Variants in THSD4 observed in about 807,000 individuals in gnomAD.
THSD4 encodes the protein thrombospondin type-1 domain-containing protein 4.
In THSD4, 69 loss-of-function variants were observed where a neutral mutation model predicts 119.0. That is an observed-to-expected ratio of 0.58 (90% CI 0.48 to 0.71). The LOEUF is 0.71. Ranked by LOEUF, THSD4 falls within the 30% of genes least tolerant of loss-of-function variation. The pLI is 0.00. For missense variants in THSD4, 1,393 were observed against 1,391.1 expected, an observed-to-expected ratio of 1.00 and a Z score of -0.02; for synonymous variants, 524 against 540.4, an observed-to-expected ratio of 0.97 and a Z score of 0.42.
At chr15:71,392,852 A>G (rs1036077515) in intron 6 of THSD4, among the ~76,000 whole-genome samples, 2 of 152,088 alleles carry the variant, frequency 1.3e-5, no homozygotes. Context: ...CCCTTCAAAT[A>G]CCACCAAATA....
intron 10 of THSD4, 85 bp from the exon 11 acceptor site, chr15:71,737,647 G>A: frequency 2.0e-6 from 3 of 1,472,276 alleles, no homozygotes; most frequent in Non-Finnish European, 9.0e-7. Context: ...ATGCTACACA[G>A]TCTCTAATGT....
intron 7 of THSD4, among the ~76,000 whole-genome samples, chr15:71,658,711 G>A (rs967250153): frequency 6.6e-6 from 1 of 152,214 alleles, no homozygotes; most frequent in African/African-American, 2.4e-5. Flanking sequence ...GGCAGATTGA[G>A]AAGGATTTGA....
At chr15:71,311,157 T>C (rs2045105482) in intron 6 of THSD4, among the ~76,000 whole-genome samples, 1 of 152,170 alleles carries the variant, frequency 6.6e-6, no homozygotes, top group Non-Finnish European at 1.5e-5. Flanking sequence ...GTCAAAGTTC[T>C]AACCATCGTA....
chr15:71,628,176 T>A (rs1466198790), intron 7 of THSD4, among the ~76,000 whole-genome samples: 1 of 152,114 alleles, frequency 6.6e-6, no homozygotes, highest in African/African-American at 2.4e-5. Flanking sequence ...GATTCTAGGA[T>A]ACACTCAGGG....
chr15:71,541,564 G>A (rs2048760207), intron 7 of THSD4, among the ~76,000 whole-genome samples: 1 of 152,166 alleles, frequency 6.6e-6, no homozygotes, highest in Non-Finnish European at 1.5e-5. Flanking sequence ...ACACCTCTGA[G>A]CATCTTACTT....
chr15:71,408,873 G>A (rs920123734), intron 6 of THSD4, among the ~76,000 whole-genome samples: 4 of 152,112 alleles, frequency 2.6e-5, no homozygotes, highest in Admixed American at 2.0e-4. Context: ...AGGGTTGGGG[G>A]CAGTGGGTAG....
At chr15:71,369,044 G>A (rs1453672603) in intron 6 of THSD4, among the ~76,000 whole-genome samples, 2 of 152,130 alleles carry the variant, frequency 1.3e-5, no homozygotes, top group Non-Finnish European at 2.9e-5. Flanking sequence ...TCTTTTTGAA[G>A]CAATTGTGAA....
intron 5 of THSD4, among the ~76,000 whole-genome samples, chr15:71,243,747 T>G (rs1414970152): frequency 6.6e-6 from 1 of 151,996 alleles, no homozygotes; most frequent in Non-Finnish European, 1.5e-5. Flanking sequence ...TCTACCATTA[T>G]TAAAAACTCA....
At chr15:71,310,203 A>G (rs1456041569) in intron 6 of THSD4, among the ~76,000 whole-genome samples, 2 of 152,194 alleles carry the variant, frequency 1.3e-5, no homozygotes, top group African/African-American at 4.8e-5. Flanking sequence ...TTAGGAAATC[A>G]GCACAGACCT....
At chr15:71,275,849 G>T (rs1014745200) in intron 6 of THSD4, among the ~76,000 whole-genome samples, 1 of 152,118 alleles carries the variant, frequency 6.6e-6, no homozygotes, top group Non-Finnish European at 1.5e-5. Flanking sequence ...GTGTGAGGAG[G>T]GCTGTGTTTG....
chr15:71,534,849 G>A (rs1488239401), intron 7 of THSD4, among the ~76,000 whole-genome samples: 2 of 152,030 alleles, frequency 1.3e-5, no homozygotes, highest in Non-Finnish European at 2.9e-5. Flanking sequence ...GTGGTGGTGG[G>A]TGTGTGTGTT....
chr15:71,467,917 C>G (rs1034422593), intron 7 of THSD4, among the ~76,000 whole-genome samples: 1 of 150,828 alleles, frequency 6.6e-6, no homozygotes, highest in East Asian at 1.9e-4. Context: ...GGCATGATCT[C>G]GGCTCACTGC....
intron 6 of THSD4, among the ~76,000 whole-genome samples, 187 bp downstream of exon 6, chr15:71,256,902 G>C (rs1012139630): frequency 1.3e-5 from 2 of 152,164 alleles, no homozygotes; most frequent in South Asian, 4.1e-4. Context: ...CTCAGGTGAC[G>C]CCTGGACCAT....
chr15:71,371,908 A>T (rs1425715975), intron 6 of THSD4, among the ~76,000 whole-genome samples: 1 of 152,206 alleles, frequency 6.6e-6, no homozygotes, highest in Admixed American at 6.5e-5. Context: ...CATCACTTTC[A>T]GGTACACCAG....
intron 6 of THSD4, among the ~76,000 whole-genome samples, chr15:71,299,746 C>G (rs2044917762): frequency 6.6e-6 from 1 of 151,910 alleles, no homozygotes; most frequent in African/African-American, 2.4e-5. Context: ...TGTTAATTTG[C>G]CTGATTTAAT....
Position 71,340,476 on chromosome 15 carries a change from C to T in THSD4, c.1016-71211C>T, listed in dbSNP as rs534138136. Among the ~76,000 whole-genome samples, 8 of 152,276 alleles carry T rather than the reference C, an allele frequency of 5.3e-5. No individual in the cohort carries two copies. In the East Asian group the frequency reaches 1.5e-3, roughly 29 times the overall value. ...GAGGGATGAGCTGGAAGAGCCAGGC[C>T]GTGTGACCCATTTTCCGCTGTGCTG... On this transcript the variant is annotated intron_variant, in intron 6 of 17. Transcript: ENST00000261862.
chr15:71,237,886 G>A (rs936924164), intron 4 of THSD4, among the ~76,000 whole-genome samples: 1 of 152,170 alleles, frequency 6.6e-6, no homozygotes, highest in Non-Finnish European at 1.5e-5. Flanking sequence ...GCCCTGGATG[G>A]CAGCCAGCCT....
intron 3 of THSD4, chr15:71,183,330 A>G (rs1182493434): frequency 6.6e-6 from 1 of 151,744 alleles, no homozygotes; most frequent in East Asian, 1.9e-4. Flanking sequence ...ACATGTGGGA[A>G]TTACGAGAGC....
intron 7 of THSD4, among the ~76,000 whole-genome samples, chr15:71,594,096 G>A (rs1253793033): frequency 6.6e-6 from 1 of 152,094 alleles, no homozygotes; most frequent in Non-Finnish European, 1.5e-5. Flanking sequence ...AGCTCAGCAT[G>A]GGGGTTGCCT....
Sources: allele counts gnomAD v4.1 joint callset (sites outside exome capture counted in the v4.1 genomes callset), GRCh38; gene constraint gnomAD v4.1.1; transcripts MANE v1.5; gene names NCBI Gene and HGNC (gene_info 2026-07-23, HGNC 2026-07-21).